Variants in RIC1 observed in about 807,000 individuals in gnomAD.
RIC1 encodes the protein RIC1 partner of RAB6A GEF complex, also known as guanine nucleotide exchange factor subunit RIC1.
In RIC1, 88 loss-of-function variants were observed where a neutral mutation model predicts 169.0. The observed-to-expected ratio is 0.52, with a 90% CI of 0.44 to 0.62. RIC1 has a LOEUF of 0.62. Ranked by LOEUF, RIC1 falls within the 20% of genes least tolerant of loss-of-function variation. The pLI is 0.00. For missense variants in RIC1, 1,877 were observed against 1,725.5 expected, an observed-to-expected ratio of 1.09 and a Z score of -1.56; for synonymous variants, 790 against 601.5, an observed-to-expected ratio of 1.31 and a Z score of -4.59.
intron 6 of RIC1, among the ~76,000 whole-genome samples, chr9:5,722,707 C>A (rs575521316): frequency 2.6e-5 from 4 of 152,254 alleles, no homozygotes; most frequent in South Asian, 4.2e-4. Flanking sequence ...CCCTCCCCCC[C>A]TCGCCCCACC....
In RIC1 at chr9:5,754,919, C is replaced by T. The variant is rs753921141; in HGVS notation, c.1681C>T (p.Arg561Cys). The T allele has an allele frequency of 7.2e-6, 11 of 1,531,782 alleles. No homozygotes were observed. Among genetic ancestry groups the T allele is most frequent in the African/African-American group, 4.1e-5 (3 of 73,936 alleles). The allele number at this position is 1,531,782 out of a possible 1,614,324, so 94.9% of individuals were successfully genotyped here. Residue 561 changes from arginine (R) to cysteine (C), a missense_variant, in exon 15 of 26, where the codon CGT (arginine) becomes TGT (cysteine). This residue lies in a region of RIC1 where 1,104 missense variants were observed against 992.0 expected (regional missense o/e 1.11). Transcript: ENST00000414202. ...MVLACYNINDRQEELRVYLRT... is the reference protein window; with the variant it reads ...MVLACYNINDCQEELRVYLRT... ...CCTTGCGTGTTATAACATAAATGAC[C>T]GTCAAGAAGAGGTAAGTTTTTTCTC... is the stretch of plus-strand genomic sequence containing the variant.
At position 5,747,575 on chromosome 9, in the gene RIC1, A is replaced by C; in HGVS notation, c.1452+70A>C. ...GATATCACCTGGAACAGATTATTAA[A>C]TATTTCATCTGTTAACTTCAGGCAA... On this transcript the variant is annotated intron_variant, in intron 12 of 25. Coordinates refer to ENST00000414202, the MANE Select transcript of RIC1 (RefSeq NM_020829.4). 2.2e-6 allele frequency: 3 copies of C among 1,333,720 alleles called. No homozygotes were observed. The South Asian group carries it at 3.7e-5, about 16-fold the overall frequency. 82.6% of individuals were successfully genotyped at this position (1,333,720 alleles called of 1,614,324 possible). A position where few individuals can be genotyped will look rare whatever the true frequency, so the allele number is the denominator to read the frequency against.
Position 5,774,116 on chromosome 9 carries a change from C to T in RIC1, c.4142C>T (p.Ser1381Phe). 9.9e-6 allele frequency: 16 copies of T among 1,614,050 alleles called. No individual in the cohort carries two copies. The highest frequency in any genetic ancestry group is 1.2e-5 in the Non-Finnish European group (14 of 1,179,994). The change falls in exon 26 of 26, where the codon TCC becomes TTC. Residue 1381 changes from serine to phenylalanine, a missense_variant. This residue lies in a region of RIC1 where 681 missense variants were observed against 582.0 expected (regional missense o/e 1.17). Coordinates refer to ENST00000414202, the MANE Select transcript of RIC1 (RefSeq NM_020829.4). ...CGGGCAGAGGAGAGCAGGGGCTCCT[C>T]CAGCCATGGAAGCATCCCCCAGGGT... ...SPRAEESRGS[S>F]SHGSIPQGEV...
At chr9:5,641,652 C>T (rs1563862604) in intron 1 of RIC1, among the ~76,000 whole-genome samples, 1 of 115,170 alleles carries the variant, frequency 8.7e-6, no homozygotes, top group Non-Finnish European at 1.7e-5. Flanking sequence ...GTCAAGTAGC[C>T]TGTCTCCAAG....
chr9:5,744,087 A>T (rs187584907), intron 10 of RIC1, among the ~76,000 whole-genome samples: 322 of 152,050 alleles, frequency 2.1e-3, no homozygotes, highest in African/African-American at 7.4e-3. Context: ...ACTCTTCATT[A>T]TACAGTTCTT....
At chr9:5,735,853 T>G (rs916183476) in intron 7 of RIC1, among the ~76,000 whole-genome samples, 1 of 152,200 alleles carries the variant, frequency 6.6e-6, no homozygotes, top group African/African-American at 2.4e-5. Context: ...ATGGTATCAT[T>G]TAGTAATAAT....
rs367880285 is a variant in RIC1 at position 5,756,006 on chromosome 9, A to G, written c.1693-206A>G. On this transcript the variant is annotated intron_variant, in intron 15 of 25. Coordinates refer to ENST00000414202, the MANE Select transcript of RIC1 (RefSeq NM_020829.4). ...TAGTACATTCAGTTTTGATCACTTC[A>G]TTTTTTGCTTACTCATAGAATGAGC... 2.2e-3 allele frequency among the ~76,000 whole-genome samples: 333 copies of G among 151,896 alleles called. 1 individual carries two copies. Among genetic ancestry groups the G allele is most frequent in the African/African-American group, 7.6e-3 (316 of 41,444 alleles).
In RIC1 at chr9:5,757,446, C is replaced by T; in HGVS notation, c.1987C>T (p.Gln663Ter). The change falls in exon 17 of 26, where the codon CAG (glutamine) becomes TAG (stop). Residue 663 changes from glutamine to a stop codon, truncating the protein, a stop_gained. Transcript: ENST00000414202. LOFTEE classifies it high-confidence loss of function. Reference protein sequence around the residue: ...TENGITLKMPQQARGAESIML... With the variant: ...TENGITLKMP The stretch of plus-strand genomic sequence containing the variant: ...GAATGGAATCACCTTGAAAATGCCA[C>T]AGCAGGTACCACTCCATTATCAAAG... 2 of 1,613,974 alleles carry T rather than the reference C, an allele frequency of 1.2e-6. No individual in the cohort carries two copies. Among genetic ancestry groups the T allele is most frequent in the Non-Finnish European group, 1.7e-6 (2 of 1,179,898 alleles).
At chr9:5,755,120 T>C (rs1054043995) in intron 15 of RIC1, among the ~76,000 whole-genome samples, 190 bp downstream of exon 15, 1 of 152,204 alleles carries the variant, frequency 6.6e-6, no homozygotes, top group Non-Finnish European at 1.5e-5. Flanking sequence ...TAAGTGACAA[T>C]TGAGACTTTT....
At chr9:5,767,918 C>A (rs1408306203) in intron 21 of RIC1, among the ~76,000 whole-genome samples, 1 of 152,236 alleles carries the variant, frequency 6.6e-6, no homozygotes. Flanking sequence ...GTGCTTACTA[C>A]ATGCCAGGCC....
chr9:5,712,316 C>T (rs528462225), intron 3 of RIC1, among the ~76,000 whole-genome samples: 1 of 152,190 alleles, frequency 6.6e-6, no homozygotes, highest in Admixed American at 6.5e-5. Context: ...TTGCATTTCT[C>T]TGATGGCCAG....
rs780312980 is a variant in RIC1, at chr9:5,747,483, A to G, written c.1430A>G (p.His477Arg). The G allele has an allele frequency of 1.9e-6, 3 of 1,614,010 alleles. No individual in the cohort carries two copies. Among genetic ancestry groups the G allele is most frequent in the African/African-American group, 1.3e-5 (1 of 75,050 alleles). Reference protein sequence around the residue: ...ESQGLSTLLGHRHWHVVQISS... With the variant: ...ESQGLSTLLGRRHWHVVQISS... ...CAGGGATTAAGCACTTTACTTGGACATCGGCATTGGCATGTTGTACAGGTA... is the reference window on the plus strand; with the variant it reads ...CAGGGATTAAGCACTTTACTTGGACGTCGGCATTGGCATGTTGTACAGGTA... The change falls in exon 12 of 26, where the codon CAT (histidine) becomes CGT (arginine). Residue 477 changes from histidine (H) to arginine (R), a missense_variant. Coordinates refer to ENST00000414202, the MANE Select transcript of RIC1 (RefSeq NM_020829.4).
Position 5,772,591 on chromosome 9 carries a change from C to G in RIC1, c.3644C>G (p.Thr1215Arg), listed in dbSNP as rs752627971. The change falls in exon 24 of 26, where the codon ACA (threonine) becomes AGA (arginine). Residue 1215 changes from threonine (T) to arginine (R), a missense_variant. Transcript: ENST00000414202. ...GATGAATGCAGTATTGGTTCAGCCA[C>G]AGACTTGACTGAAAGTAGCTCCATG... ...KGDECSIGSA[T>R]DLTESSSMVD... The G allele has an allele frequency of 1.2e-6, 2 of 1,612,932 alleles. No homozygotes were observed. The highest frequency in any genetic ancestry group is 1.1e-5 in the South Asian group (1 of 90,832).
intron 12 of RIC1, among the ~76,000 whole-genome samples, chr9:5,751,402 C>T (rs1825716363): frequency 6.6e-6 from 1 of 151,852 alleles, no homozygotes; most frequent in Admixed American, 6.5e-5. Context: ...GTTGCCCAGG[C>T]TGGAGTGCAG....
intron 6 of RIC1, among the ~76,000 whole-genome samples, chr9:5,729,974 G>A (rs779571283): frequency 6.6e-6 from 1 of 151,934 alleles, no homozygotes; most frequent in Non-Finnish European, 1.5e-5. Context: ...TTTAGAGTTA[G>A]TACAAAATAT....
chr9:5,677,411 T>C (rs1212402492), intron 2 of RIC1, among the ~76,000 whole-genome samples: 1 of 152,230 alleles, frequency 6.6e-6, no homozygotes, highest in Non-Finnish European at 1.5e-5. Flanking sequence ...ATTTTGCATC[T>C]TGATATCTGT....
chr9:5,693,524 G>T (rs1329364549), intron 3 of RIC1, among the ~76,000 whole-genome samples: 1 of 152,096 alleles, frequency 6.6e-6, no homozygotes, highest in African/African-American at 2.4e-5. Context: ...AGAAATCTTA[G>T]ATTCCATTGT....
At chr9:5,759,936 A>G (rs146044892) in intron 17 of RIC1, among the ~76,000 whole-genome samples, 1 of 152,354 alleles carries the variant, frequency 6.6e-6, no homozygotes, top group South Asian at 2.1e-4. Flanking sequence ...TCCCAGATAG[A>G]GTAGGCAACC....
intron 3 of RIC1, among the ~76,000 whole-genome samples, chr9:5,693,932 C>G (rs149868691): frequency 1.3e-5 from 2 of 150,934 alleles, no homozygotes; most frequent in East Asian, 1.9e-4. Flanking sequence ...AGTTTCTGTA[C>G]TGAAATTCAG....
Sources: gnomAD v4.1 joint callset for allele counts (sites outside exome capture counted in the v4.1 genomes callset) on GRCh38, gnomAD v4.1.1 for gene constraint, gnomAD v4.1.1 regional missense constraint, MANE v1.5 for transcripts, NCBI Gene and HGNC (gene_info 2026-07-23, HGNC 2026-07-21) for gene names.